The following KCNAB1 variants were observed in gnomAD, a reference collection of about 807,000 sequenced individuals.
KCNAB1 encodes potassium voltage-gated channel subfamily A regulatory beta subunit 1.
KCNAB1 carries 35 observed loss-of-function variants against 64.6 expected under a neutral mutation model. That is an observed-to-expected ratio of 0.54 (90% CI 0.41 to 0.72). The LOEUF (loss-of-function observed/expected upper bound fraction) is 0.72, where lower values mean the gene tolerates loss of function less well. KCNAB1 is among the 30% of genes least tolerant of loss of function. The probability of loss-of-function intolerance (pLI) is 0.00; values close to 1 mark genes in which losing one functional copy is unlikely to be tolerated. For synonymous variants in KCNAB1, 177 were observed against 183.8 expected, an observed-to-expected ratio of 0.96 and a Z score of 0.30; for missense variants, 401 against 512.9, an observed-to-expected ratio of 0.78 and a Z score of 2.11.
At chr3:156,373,012 G>C (rs1227857521) in intron 1 of KCNAB1, among the ~76,000 whole-genome samples, 1 of 152,244 alleles carries the variant, frequency 6.6e-6, no homozygotes, top group Non-Finnish European at 1.5e-5. Context: ...TGGGCTAAAT[G>C]CATGTAAGCA....
At position 156,159,001 on chromosome 3, in the gene KCNAB1, A is replaced by T. The variant is rs529317488; in HGVS notation, c.275+38115A>T. On this transcript the variant is annotated intron_variant, in intron 1 of 13. Transcript: ENST00000490337. Reference sequence around the variant, plus strand: ...CCCCTCCTAAGCTGCCTGACTGAGAATGAAGACTCAGAATACTCTTGGTGG... The same window carrying T: ...CCCCTCCTAAGCTGCCTGACTGAGATTGAAGACTCAGAATACTCTTGGTGG... Among the ~76,000 whole-genome samples the T allele has an allele frequency of 5.3e-5, 8 of 152,280 alleles. No individual in the cohort carries two copies. The South Asian group carries it at 1.7e-3, about 32-fold the overall frequency.
In KCNAB1 at chr3:156,158,171, AAAAATAAAAAATAAAT is replaced by A. The variant is rs1345471077; in HGVS notation, c.275+37289_275+37304del. Among the ~76,000 whole-genome samples the A allele has an allele frequency of 3.2e-3, 269 of 84,764 alleles. 7 individuals are homozygous for A. Among genetic ancestry groups the A allele is most frequent in the African/African-American group, 9.8e-3 (235 of 24,084 alleles). 55.6% of individuals were successfully genotyped at this position (84,764 alleles called of 152,430 possible). On this transcript the variant is annotated intron_variant, in intron 1 of 13. Coordinates refer to ENST00000490337, the MANE Select transcript of KCNAB1 (RefSeq NM_172160.3). ...CAGAGCGAAACTCTGTCTCAAAAAAAAAAATAAAAAATAAATAAATAAATAAATAAATAAATAAATA... is the reference window on the plus strand; with the variant it reads ...CAGAGCGAAACTCTGTCTCAAAAAAAAAATAAATAAATAAATAAATAAATA...
Position 156,513,137 on chromosome 3 carries a change from G to A in KCNAB1, c.659-1227G>A, listed in dbSNP as rs13325513. Among the ~76,000 whole-genome samples, 1,096 of 152,182 alleles carry A rather than the reference G, an allele frequency of 7.2e-3. 9 individuals carry two copies. Among genetic ancestry groups the A allele is most frequent in the African/African-American group, 0.025 (1,037 of 41,514 alleles). On this transcript the variant is annotated intron_variant, in intron 8 of 13. Transcript: ENST00000490337. The stretch of plus-strand genomic sequence containing the variant: ...TGAGGCAGGAGAATGGCATGAACCC[G>A]GGAGGCGGAGCCTGCAGGGAGCCGA...
At chr3:156,463,618 T>A in intron 5 of KCNAB1, 84 bp from the exon 6 acceptor site, 1 of 1,065,736 alleles carries the variant, frequency 9.4e-7, no homozygotes, top group East Asian at 2.6e-5. Context: ...ACAAATTCTT[T>A]CTGGTGCTAT....
intron 1 of KCNAB1, among the ~76,000 whole-genome samples, chr3:156,129,791 A>G (rs1305014032): frequency 6.6e-6 from 1 of 152,198 alleles, no homozygotes. Context: ...GAGTCTCTCT[A>G]TGAGCCCCTC....
intron 1 of KCNAB1, among the ~76,000 whole-genome samples, chr3:156,261,022 A>G (rs550174945): frequency 7.2e-5 from 11 of 152,100 alleles, no homozygotes; most frequent in Non-Finnish European, 1.6e-4. Flanking sequence ...TCATGTACTC[A>G]TTGGCCATTC....
In KCNAB1 at chr3:156,158,181, AAT is replaced by A. The variant is rs1560112386; in HGVS notation, c.275+37297_275+37298del. 1.3e-3 allele frequency among the ~76,000 whole-genome samples: 42 copies of A among 33,536 alleles called. No homozygotes were observed. In the East Asian group the frequency reaches 0.02, roughly 16 times the overall value. The allele number at this position is 33,536 out of a possible 152,430, so 22.0% of individuals were successfully genotyped here. The stretch of plus-strand genomic sequence containing the variant: ...CTCTGTCTCAAAAAAAAAAATAAAA[AAT>A]AAATAAATAAATAAATAAATAAATA... On this transcript the variant is annotated intron_variant, in intron 1 of 13. Transcript: ENST00000490337.
intron 11 of KCNAB1, 163 bp from the exon 12 acceptor site, chr3:156,523,664 G>C: frequency 1.5e-6 from 1 of 672,452 alleles, no homozygotes. Flanking sequence ...GAGCAAGATC[G>C]TGAGGAACAT....
intron 1 of KCNAB1, among the ~76,000 whole-genome samples, chr3:156,371,030 C>T (rs1347976028): frequency 6.6e-6 from 1 of 152,180 alleles, no homozygotes; most frequent in Non-Finnish European, 1.5e-5. Flanking sequence ...ATGGTACAAA[C>T]CAGGGGCTCA....
At chr3:156,216,648 G>C (rs1326300183) in intron 1 of KCNAB1, among the ~76,000 whole-genome samples, 1 of 152,210 alleles carries the variant, frequency 6.6e-6, no homozygotes, top group Non-Finnish European at 1.5e-5. Flanking sequence ...GGGAAGATAG[G>C]GTGGGATGGG....
chr3:156,125,929 A>T (rs1043387763), intron 1 of KCNAB1, among the ~76,000 whole-genome samples: 1 of 152,236 alleles, frequency 6.6e-6, no homozygotes, highest in Non-Finnish European at 1.5e-5. Context: ...GCTGGAGGTC[A>T]GTGAGTAAAC....
At chr3:156,470,030 G>A (rs998149029) in intron 7 of KCNAB1, among the ~76,000 whole-genome samples, 1 of 152,192 alleles carries the variant, frequency 6.6e-6, no homozygotes, top group East Asian at 1.9e-4. Flanking sequence ...TTGATACAGA[G>A]TTCAGGCCAC....
chr3:156,291,661 T>A, intron 1 of KCNAB1: 1 of 1,385,496 alleles, frequency 7.2e-7, no homozygotes. Context: ...CCAGCTGCTG[T>A]GACAACTTCG....
chr3:156,437,745 T>C (rs1716685684), intron 2 of KCNAB1, among the ~76,000 whole-genome samples: 1 of 152,238 alleles, frequency 6.6e-6, no homozygotes, highest in Admixed American at 6.5e-5. Flanking sequence ...AAAGAGAATC[T>C]TGAAGGAATA....
chr3:156,466,384 G>A (rs1713376842), intron 7 of KCNAB1, among the ~76,000 whole-genome samples: 2 of 152,006 alleles, frequency 1.3e-5, no homozygotes, highest in Admixed American at 6.6e-5. Context: ...GTTAAAGTGC[G>A]TTTGGCTTAT....
intron 2 of KCNAB1, among the ~76,000 whole-genome samples, chr3:156,435,555 T>C (rs1049908571): frequency 6.6e-6 from 1 of 152,164 alleles, no homozygotes; most frequent in Non-Finnish European, 1.5e-5. Flanking sequence ...AGTGAATCAA[T>C]GGACTTGAGA....
At chr3:156,372,649 AT>A (rs1207847206) in intron 1 of KCNAB1, among the ~76,000 whole-genome samples, 1 of 152,224 alleles carries the variant, frequency 6.6e-6, no homozygotes, top group Non-Finnish European at 1.5e-5. Context: ...GTGAGCTATC[AT>A]TTATAAGCTT....
intron 1 of KCNAB1, among the ~76,000 whole-genome samples, chr3:156,385,766 A>C (rs1370128370): frequency 6.6e-6 from 1 of 152,222 alleles, no homozygotes; most frequent in Non-Finnish European, 1.5e-5. Flanking sequence ...TCTCATAAGC[A>C]GTGATTTCCC....
At chr3:156,133,651 GT>G (rs1193985886) in intron 1 of KCNAB1, among the ~76,000 whole-genome samples, 2 of 152,122 alleles carry the variant, frequency 1.3e-5, no homozygotes, top group Non-Finnish European at 2.9e-5. Context: ...CTACAGTCAA[GT>G]TTTTTTGGTG....
Sources: allele counts gnomAD v4.1 joint callset (sites outside exome capture counted in the v4.1 genomes callset), GRCh38; gene constraint gnomAD v4.1.1; transcripts MANE v1.5; gene names NCBI Gene and HGNC (gene_info 2026-07-23, HGNC 2026-07-21).